MYO5A: variants seen among roughly 807,000 people sequenced by gnomAD.
The protein encoded by MYO5A is myosin VA, also known as unconventional myosin-Va.
A neutral mutation model predicts 249.7 loss-of-function variants in MYO5A; 98 were observed. The ratio of observed to expected loss-of-function variants is 0.39; its 90% confidence interval spans 0.33 to 0.46. The LOEUF (loss-of-function observed/expected upper bound fraction) is 0.46, where lower values mean the gene tolerates loss of function less well. MYO5A is among the 20% of genes least tolerant of loss of function. The pLI, the probability that MYO5A is intolerant of heterozygous loss-of-function variation, is 0.98. For synonymous variants in MYO5A, 778 were observed against 810.6 expected, an observed-to-expected ratio of 0.96 and a Z score of 0.68; for missense variants, 1,696 against 2,308.8, an observed-to-expected ratio of 0.73 and a Z score of 5.44.
chr15:52,407,344 T>C lies in MYO5A; in HGVS notation c.894A>G (p.Gly298=). ...TKQGGSPVIE[G]VDDAKEMAHT... ...GTGCCATCTCCTTTGCATCATCCAC[T>C]CCTTCAATCACAGGACTGCCTCCTT... Residue 298 remains glycine, a synonymous_variant, in exon 8 of 42, where the codon GGA becomes GGG. Transcript: ENST00000399233. 6.2e-7 allele frequency: 1 copy of C among 1,613,802 alleles called. No homozygotes were observed. The highest frequency in any genetic ancestry group is 1.3e-5 in the African/African-American group (1 of 75,038).
chr15:52,514,469 C>G (rs929977962), intron 1 of MYO5A, among the ~76,000 whole-genome samples: 1 of 152,108 alleles, frequency 6.6e-6, no homozygotes, highest in African/African-American at 2.4e-5. Context: ...ACACTGGGGT[C>G]CGGAAGAACT....
At chr15:52,469,656 A>G (rs2076419796) in intron 1 of MYO5A, among the ~76,000 whole-genome samples, 1 of 152,182 alleles carries the variant, frequency 6.6e-6, no homozygotes, top group South Asian at 2.1e-4. Flanking sequence ...TGTTTCTATA[A>G]GGGTACCAAT....
chr15:52,309,985 T>C lies in MYO5A; in HGVS notation c.*3711A>G, dbSNP rs2037727952. The stretch of plus-strand genomic sequence containing the variant: ...AACAATCACTGCACTGAAATTATAA[T>C]AATATAGTATTTTCATAGCCTCCCC... On this transcript the variant is annotated 3_prime_UTR_variant, in exon 42 of 42. Transcript: ENST00000399233. The C allele has an allele frequency of 6.6e-6, 1 of 152,176 alleles. No individual in the cohort carries two copies. Among genetic ancestry groups the C allele is most frequent in the Non-Finnish European group, 1.5e-5 (1 of 68,012 alleles). The allele number at this position is 152,176 out of a possible 1,614,324, so 9.4% of individuals were successfully genotyped here.
Position 52,407,399 on chromosome 15 carries a change from C to T in MYO5A, c.839G>A (p.Gly280Glu). 4 of 1,610,552 alleles carry T rather than the reference C, an allele frequency of 2.5e-6. No homozygotes were observed. Among genetic ancestry groups the T allele is most frequent in the Middle Eastern group, 3.3e-4 (2 of 6,060 alleles). The change falls in exon 8 of 42, where the codon GGA becomes GAA. Residue 280 changes from glycine to glutamate, a missense_variant and splice_region_variant. Physicochemically the swap from Gly to Glu is moderately conservative, Grantham distance 98. Around this residue, in one of 5 missense-constraint regions of MYO5A, gnomAD observed 185 missense variants for 204.8 expected, o/e 0.90. Coordinates refer to ENST00000399233, the MANE Select transcript of MYO5A (RefSeq NM_001382347.1). ...TGTGTAATTAAAGTTATCTGCATTT[C>T]CTGTAATGAAGAAAAATAAAAATTT... ...KLPEFKMLRL[G>E]NADNFNYTKQ... is the part of the protein sequence containing the mutation.
chr15:52,478,306 C>T lies in MYO5A; in HGVS notation c.28-45021G>A, dbSNP rs541528901. Among the ~76,000 whole-genome samples, 17 of 152,280 alleles carry T rather than the reference C, an allele frequency of 1.1e-4. No homozygotes were observed. The South Asian group carries it at 1.5e-3, about 13-fold the overall frequency. On this transcript the variant is annotated intron_variant, in intron 1 of 41. Transcript: ENST00000399233. ...AGTGACCCAATTTTCCAGGTGCCAT[C>T]TCTCACAGCTTCCCTTGGCTAGGAA...
At chr15:52,505,979 TGAG>T (rs1362863211) in intron 1 of MYO5A, 2 of 886,020 alleles carry the variant, frequency 2.3e-6, no homozygotes, top group Middle Eastern at 3.6e-4. Flanking sequence ...TTTGGGAGGC[TGAG>T]GAGGGCAGAT....
At chr15:52,358,211 C>T (rs951888109) in intron 25 of MYO5A, among the ~76,000 whole-genome samples, 3 of 152,160 alleles carry the variant, frequency 2.0e-5, no homozygotes, top group Non-Finnish European at 2.9e-5. Context: ...GACTGGTTTC[C>T]GGCAAGCACA....
At chr15:52,413,337 T>C (rs1458159464) in intron 5 of MYO5A, among the ~76,000 whole-genome samples, 1 of 151,998 alleles carries the variant, frequency 6.6e-6, no homozygotes, top group Non-Finnish European at 1.5e-5. Context: ...CAGTGTGCTA[T>C]TCCCATCTTA....
intron 16 of MYO5A, among the ~76,000 whole-genome samples, chr15:52,382,501 G>A (rs1173430035): frequency 6.6e-6 from 1 of 152,162 alleles, no homozygotes; most frequent in Non-Finnish European, 1.5e-5. Context: ...AACCTGGGAG[G>A]CAGAGGTTGC....
chr15:52,346,548 C>T (rs1481464637), intron 29 of MYO5A, 87 bp from the exon 30 acceptor site: 1 of 839,068 alleles, frequency 1.2e-6, no homozygotes, highest in African/African-American at 1.7e-5. Context: ...AACTGGGGGG[C>T]AGTGGTTATG....
intron 1 of MYO5A, among the ~76,000 whole-genome samples, chr15:52,502,980 C>G (rs2077188662): frequency 6.6e-6 from 1 of 152,080 alleles, no homozygotes; most frequent in Non-Finnish European, 1.5e-5. Flanking sequence ...AAAAGTAGGT[C>G]TCATGAAGAC....
chr15:52,499,630 C>T (rs1013197931), intron 1 of MYO5A, among the ~76,000 whole-genome samples: 9 of 152,198 alleles, frequency 5.9e-5, no homozygotes, highest in African/African-American at 1.9e-4. Context: ...ATAATGTCAT[C>T]AAGGTTATTC....
chr15:52,472,102 G>C (rs2076485532), intron 1 of MYO5A, among the ~76,000 whole-genome samples: 1 of 148,870 alleles, frequency 6.7e-6, no homozygotes, highest in South Asian at 2.1e-4. Context: ...TTTTGAGATG[G>C]AGTCTCGCTC....
In MYO5A at chr15:52,459,147, A is replaced by ATTTTTTT. The variant is rs531798708; in HGVS notation, c.28-25869_28-25863dup. Among the ~76,000 whole-genome samples, 13 of 64,282 alleles carry ATTTTTTT rather than the reference A, an allele frequency of 2.0e-4. 1 individual carries two copies. Among genetic ancestry groups the ATTTTTTT allele is most frequent in the South Asian group, 7.6e-4 (1 of 1,318 alleles). 42.2% of individuals were successfully genotyped at this position (64,282 alleles called of 152,430 possible). On this transcript the variant is annotated intron_variant, in intron 1 of 41. Transcript: ENST00000399233. ...CCTGAGTAGCTGGGATTTTCCAGAA[A>ATTTTTTT]TTTTTTTTTTTTTTTTTTTTTTTTT...
intron 16 of MYO5A, among the ~76,000 whole-genome samples, chr15:52,382,741 C>G (rs989602324): frequency 6.6e-6 from 1 of 152,204 alleles, no homozygotes; most frequent in African/African-American, 2.4e-5. Flanking sequence ...GGTAAGCATT[C>G]GCCAAACAGC....
intron 27 of MYO5A, among the ~76,000 whole-genome samples, chr15:52,351,977 C>A (rs1300291402): frequency 6.6e-6 from 1 of 152,206 alleles, no homozygotes; most frequent in Non-Finnish European, 1.5e-5. Context: ...CTTTTAACTT[C>A]TAATTTAAAA....
chr15:52,523,571 C>T (rs961408943), intron 1 of MYO5A, among the ~76,000 whole-genome samples: 8 of 152,088 alleles, frequency 5.3e-5, no homozygotes, highest in African/African-American at 1.4e-4. Flanking sequence ...ATACAGTAAC[C>T]GTAATAAGAC....
intron 40 of MYO5A, among the ~76,000 whole-genome samples, chr15:52,315,426 G>C: frequency 6.6e-6 from 1 of 150,426 alleles, no homozygotes. Flanking sequence ...TGAAGTCTCT[G>C]TGCAGTGGCA....
intron 5 of MYO5A, 129 bp from the exon 6 acceptor site, chr15:52,410,605 T>TG: frequency 1.2e-6 from 1 of 861,216 alleles, no homozygotes; most frequent in Non-Finnish European, 1.8e-6. Context: ...TTTTTTTTTT[T>TG]GAGACAGAGT....
Sources: allele counts gnomAD v4.1 joint callset (sites outside exome capture counted in the v4.1 genomes callset), GRCh38; gene constraint gnomAD v4.1.1; regional missense constraint gnomAD v4.1.1; transcripts MANE v1.5; gene names NCBI Gene and HGNC (gene_info 2026-07-23, HGNC 2026-07-21).